The following MEGF10 variants were observed in gnomAD, a reference collection of about 807,000 sequenced individuals.
MEGF10 encodes multiple EGF like domains 10, also known as multiple epidermal growth factor-like domains protein 10.
In MEGF10, 86 loss-of-function variants were observed where a neutral mutation model predicts 147.5. That is an observed-to-expected ratio of 0.58 (90% CI 0.49 to 0.70). The LOEUF (loss-of-function observed/expected upper bound fraction) is 0.70, where lower values mean the gene tolerates loss of function less well. Ranked by LOEUF, MEGF10 falls within the 30% of genes least tolerant of loss-of-function variation. The probability of loss-of-function intolerance (pLI) is 0.00; values close to 1 mark genes in which losing one functional copy is unlikely to be tolerated. For synonymous variants in MEGF10, 478 were observed against 525.5 expected (o/e 0.91, Z 1.24); for missense variants, 1,329 against 1,487.3 (o/e 0.89, Z 1.75).
chr5:127,331,904 G>A (rs1330045147), intron 2 of MEGF10, among the ~76,000 whole-genome samples: 1 of 152,084 alleles, frequency 6.6e-6, no homozygotes, highest in Non-Finnish European at 1.5e-5. Flanking sequence ...CATAGAGGTA[G>A]TGTCCCCTGA....
At chr5:127,289,598 A>C (rs946858047), upstream of MEGF10, among the ~76,000 whole-genome samples, 2 of 152,238 alleles carry the variant, frequency 1.3e-5, no homozygotes, top group Non-Finnish European at 2.9e-5. Context: ...ACAAATAAAC[A>C]AACACCAAAA....
chr5:127,251,312 C>A, the MEGF10 span, among the ~76,000 whole-genome samples: 2 of 152,026 alleles, frequency 1.3e-5, no homozygotes, highest in Admixed American at 1.3e-4. Flanking sequence ...TAGTAAAGAG[C>A]ACTGGATCTC....
chr5:127,249,919 A>G, the MEGF10 span, among the ~76,000 whole-genome samples: 45 of 152,218 alleles, frequency 3.0e-4, no homozygotes, highest in African/African-American at 1.1e-3. Context: ...ATGGCAGAAG[A>G]GTGAAAGGAG....
At chr5:127,329,019 A>G (rs1319354714) in intron 1 of MEGF10, among the ~76,000 whole-genome samples, 1 of 152,210 alleles carries the variant, frequency 6.6e-6, no homozygotes, top group Non-Finnish European at 1.5e-5. Context: ...GATTACATAG[A>G]TAATTCACAT....
chr5:127,447,440 G>C (rs1211423984), intron 20 of MEGF10, 117 bp from the exon 21 acceptor site: 5 of 1,389,696 alleles, frequency 3.6e-6, no homozygotes, highest in Non-Finnish European at 5.0e-6. Flanking sequence ...GCCTCCCAAA[G>C]TGCTGGGATT....
rs1766500472 is a variant in MEGF10, at chr5:127,459,832, A to G, written c.*2514A>G. Reference sequence around the variant, plus strand: ...CACATAGCAATTTGGATGTTGTAAAACTACGTGTTACATTTGGAGAGGTCT... The same window carrying G: ...CACATAGCAATTTGGATGTTGTAAAGCTACGTGTTACATTTGGAGAGGTCT... On this transcript the variant is annotated 3_prime_UTR_variant, in exon 25 of 25. Transcript: ENST00000503335. 1 of 152,212 alleles carries G rather than the reference A, an allele frequency of 6.6e-6. No homozygotes were observed. The highest frequency in any genetic ancestry group is 6.5e-5 in the Admixed American group (1 of 15,272). 9.4% of individuals were successfully genotyped at this position (152,212 alleles called of 1,614,324 possible).
chr5:127,346,302 G>T (rs1476526745), intron 4 of MEGF10, among the ~76,000 whole-genome samples: 1 of 152,116 alleles, frequency 6.6e-6, no homozygotes, highest in Non-Finnish European at 1.5e-5. Context: ...CATAGTGGTT[G>T]TACTAGTTTA....
At chr5:127,283,109 C>T in the MEGF10 span, among the ~76,000 whole-genome samples, 2 of 152,092 alleles carry the variant, frequency 1.3e-5, no homozygotes, top group African/African-American at 2.4e-5. Context: ...GTTTGTGTTA[C>T]TTGAAAACAA....
At chr5:127,428,263 G>T (rs1022584447) in intron 13 of MEGF10, among the ~76,000 whole-genome samples, 2 of 150,284 alleles carry the variant, frequency 1.3e-5, no homozygotes, top group Non-Finnish European at 2.9e-5. Flanking sequence ...TTTTTACTGG[G>T]TCTTTAAAAT....
chr5:127,398,681 A>T lies in MEGF10; in HGVS notation c.665A>T (p.Glu222Val), dbSNP rs773269182. ...GTCACATGTTAATCCCTCAGCTGTG[A>T]GGATCTTTGTCCTCCTGGTAAACAT... ...CPPGYTGAFC[E>V]DLCPPGKHGP... is the part of the protein sequence containing the mutation. The change falls in exon 7 of 25, where the codon GAG (glutamate) becomes GTG (valine). Residue 222 changes from glutamate (E) to valine (V), a missense_variant. Coordinates refer to ENST00000503335, the MANE Select transcript of MEGF10 (RefSeq NM_001256545.2). 7 of 1,614,108 alleles carry T rather than the reference A, an allele frequency of 4.3e-6. No individual in the cohort carries two copies. The highest frequency in any genetic ancestry group is 5.9e-6 in the Non-Finnish European group (7 of 1,180,000).
chr5:127,284,446 G>T, the MEGF10 span, among the ~76,000 whole-genome samples: 2 of 151,958 alleles, frequency 1.3e-5, no homozygotes, highest in East Asian at 1.9e-4. Flanking sequence ...ATAATGGTGA[G>T]ATTTGAGGAA....
intron 4 of MEGF10, among the ~76,000 whole-genome samples, chr5:127,343,506 G>A (rs1001000704): frequency 1.4e-4 from 21 of 151,990 alleles, no homozygotes; most frequent in East Asian, 7.7e-4. Flanking sequence ...GGACCTGACC[G>A]GCTGTCTTCG....
chr5:127,344,018 A>G (rs1261866552), intron 4 of MEGF10, among the ~76,000 whole-genome samples: 2 of 152,164 alleles, frequency 1.3e-5, no homozygotes. Context: ...TTTGGGAGAA[A>G]AGCAGGTTTC....
rs1766432887 is a variant in MEGF10 at position 127,458,146 on chromosome 5, AGAAAT to A, written c.*834_*838del. ...ATATCAATAGTTATTTCATAAATATAGAAATGAAATAATTTTATTTTTGACAGACT... is the reference window on the plus strand; with the variant it reads ...ATATCAATAGTTATTTCATAAATATAGAAATAATTTTATTTTTGACAGACT... On this transcript the variant is annotated 3_prime_UTR_variant, in exon 25 of 25. Transcript: ENST00000503335. 6.6e-6 allele frequency: 1 copy of A among 152,212 alleles called. No individual in the cohort carries two copies. The highest frequency in any genetic ancestry group is 2.4e-5 in the African/African-American group (1 of 41,454). The allele number at this position is 152,212 out of a possible 1,614,324, so 9.4% of individuals were successfully genotyped here. A position where few individuals can be genotyped will look rare whatever the true frequency, so the allele number is the denominator to read the frequency against.
chr5:127,267,676 T>A, the MEGF10 span, among the ~76,000 whole-genome samples: 4 of 152,348 alleles, frequency 2.6e-5, no homozygotes, highest in African/African-American at 9.6e-5. Flanking sequence ...CAGGAATTTA[T>A]CCATTTCTTC....
intron 4 of MEGF10, 117 bp downstream of exon 4, chr5:127,340,747 T>C (rs1195399223): frequency 8.0e-6 from 6 of 746,652 alleles, no homozygotes; most frequent in Non-Finnish European, 1.4e-5. Context: ...ACATTCCTTT[T>C]CCCTCTGGTT....
At chr5:127,336,434 T>C (rs1351115987) in intron 2 of MEGF10, among the ~76,000 whole-genome samples, 1 of 152,126 alleles carries the variant, frequency 6.6e-6, no homozygotes, top group African/African-American at 2.4e-5. Context: ...AAATCCTAAA[T>C]ACTTTGATTG....
At chr5:127,265,691 T>C in the MEGF10 span, among the ~76,000 whole-genome samples, 2 of 152,236 alleles carry the variant, frequency 1.3e-5, no homozygotes, top group African/African-American at 4.8e-5. Context: ...CATTTTTTCA[T>C]GTGTCTGTTG....
chr5:127,381,600 C>T (rs901552081), intron 5 of MEGF10, among the ~76,000 whole-genome samples: 1 of 152,172 alleles, frequency 6.6e-6, no homozygotes, highest in Admixed American at 6.5e-5. Context: ...ATTATACTGT[C>T]CACTGTCCAT....
Sources: gnomAD v4.1 joint callset for allele counts (sites outside exome capture counted in the v4.1 genomes callset) on GRCh38, gnomAD v4.1.1 for gene constraint, MANE v1.5 for transcripts, NCBI Gene and HGNC (gene_info 2026-07-23, HGNC 2026-07-21) for gene names.